The following LARP1B variants were observed in gnomAD, a reference collection of about 807,000 sequenced individuals.
LARP1B encodes la-related protein 1B.
A neutral mutation model predicts 114.2 loss-of-function variants in LARP1B; 76 were observed. The ratio of observed to expected loss-of-function variants is 0.67; its 90% CI spans 0.55 to 0.81. LARP1B has a LOEUF of 0.81. Among genes scored for constraint, LARP1B ranks in the 30% least tolerant of loss-of-function variants. LARP1B has a pLI of 0.00. For missense variants in LARP1B, 1,014 were observed against 1,075.8 expected (o/e 0.94, Z 0.80); for synonymous variants, 345 against 348.0 (o/e 0.99, Z 0.10).
chr4:128,219,188 CTG>C (rs1759777556), intron 6 of LARP1B, among the ~76,000 whole-genome samples: 1 of 149,200 alleles, frequency 6.7e-6, no homozygotes, highest in Non-Finnish European at 1.5e-5. Flanking sequence ...CACTTTGACA[CTG>C]TTGGTGGGAC....
At chr4:128,064,376 A>C (rs1269123533) in intron 1 of LARP1B, among the ~76,000 whole-genome samples, 2 of 151,782 alleles carry the variant, frequency 1.3e-5, no homozygotes, top group African/African-American at 4.8e-5. Flanking sequence ...GTGTTGAGTT[A>C]ATTCATTCAT....
chr4:128,205,021 T>A (rs917475120), intron 17 of LARP1B, among the ~76,000 whole-genome samples: 5 of 152,216 alleles, frequency 3.3e-5, no homozygotes, highest in Non-Finnish European at 7.3e-5. Flanking sequence ...AAGTTTGTCA[T>A]TCTGAACTGT....
At chr4:128,069,529 A>G in intron 1 of LARP1B, 1 of 747,360 alleles carries the variant, frequency 1.3e-6, no homozygotes, top group South Asian at 1.4e-5. Flanking sequence ...TGGAGAGCAG[A>G]GAGCTGGTGG....
At chr4:128,197,553 G>A (rs1389881604) in intron 15 of LARP1B, among the ~76,000 whole-genome samples, 1 of 152,038 alleles carries the variant, frequency 6.6e-6, no homozygotes, top group Non-Finnish European at 1.5e-5. Flanking sequence ...AATTAGTTGG[G>A]TGTGGTGGCA....
chr4:128,108,604 T>C, intron 9 of LARP1B: 1 of 985,498 alleles, frequency 1.0e-6, no homozygotes, highest in Non-Finnish European at 1.2e-6. Context: ...AGTAAGCAAC[T>C]TGGACAGGCA....
At chr4:128,169,739 C>T (rs1362602703) in intron 12 of LARP1B, among the ~76,000 whole-genome samples, 3 of 151,938 alleles carry the variant, frequency 2.0e-5, no homozygotes, top group East Asian at 1.9e-4. Context: ...TGAGTTCAAG[C>T]GATTCTCCTG....
intron 11 of LARP1B, among the ~76,000 whole-genome samples, chr4:128,141,292 C>G (rs72683917): frequency 6.6e-6 from 1 of 152,224 alleles, no homozygotes; most frequent in Non-Finnish European, 1.5e-5. Flanking sequence ...TGGCTAGCGT[C>G]TGGGCTCATG....
At position 128,206,507 on chromosome 4, in the gene LARP1B, CAAG is replaced by C. The variant is rs1357927042; in HGVS notation, c.2395_2397del (p.Glu799del). On this transcript the variant is annotated inframe_deletion, in exon 18 of 20. Coordinates refer to ENST00000326639, the MANE Select transcript of LARP1B (RefSeq NM_018078.4). ...CAGGCGAGAAATTTTTCAGGATTTCCAAGAAGAAACCAAAAAAGACTACGAATC... is the reference window on the plus strand; with the variant it reads ...CAGGCGAGAAATTTTTCAGGATTTCCAAGAAACCAAAAAAGACTACGAATC... 1.2e-6 allele frequency: 2 copies of C among 1,611,548 alleles called. No homozygotes were observed. The highest frequency in any genetic ancestry group is 1.7e-5 in the Admixed American group (1 of 59,708).
chr4:128,213,320 T>C (rs1387919534), downstream of LARP1B, among the ~76,000 whole-genome samples: 2 of 152,218 alleles, frequency 1.3e-5, no homozygotes, highest in African/African-American at 4.8e-5. Flanking sequence ...TGAGCAATAA[T>C]TTTTATTGCT....
chr4:128,093,864 C>T (rs1033579914), intron 7 of LARP1B, among the ~76,000 whole-genome samples: 1 of 151,708 alleles, frequency 6.6e-6, no homozygotes, highest in African/African-American at 2.4e-5. Context: ...GCATATGCCA[C>T]CACGCCCAGC....
intron 5 of LARP1B, among the ~76,000 whole-genome samples, chr4:128,084,517 C>T (rs527743581): frequency 4.7e-4 from 72 of 152,102 alleles, no homozygotes; most frequent in South Asian, 2.7e-3. Context: ...CGCAGGCACT[C>T]GGCAGGCTGA....
intron 5 of LARP1B, among the ~76,000 whole-genome samples, chr4:128,088,844 T>G (rs1467728415): frequency 1.3e-5 from 2 of 151,834 alleles, no homozygotes; most frequent in Non-Finnish European, 2.9e-5. Flanking sequence ...TGCACACCTG[T>G]AATCCCAACA....
chr4:128,065,962 C>T (rs541592889), intron 1 of LARP1B, among the ~76,000 whole-genome samples: 22 of 151,866 alleles, frequency 1.4e-4, no homozygotes, highest in African/African-American at 4.8e-4. Flanking sequence ...ATGACAGGCA[C>T]GCATGTCATT....
At chr4:128,111,983 C>G (rs1784270367) in intron 9 of LARP1B, among the ~76,000 whole-genome samples, 1 of 151,878 alleles carries the variant, frequency 6.6e-6, no homozygotes, top group African/African-American at 2.4e-5. Flanking sequence ...AGCCACTGTG[C>G]CCATCCTCTG....
At chr4:128,088,301 T>C (rs1774487931) in intron 5 of LARP1B, among the ~76,000 whole-genome samples, 1 of 152,212 alleles carries the variant, frequency 6.6e-6, no homozygotes, top group Non-Finnish European at 1.5e-5. Context: ...TGCAATTTCA[T>C]CCCATTGTCT....
chr4:128,099,886 A>C (rs999025769), intron 8 of LARP1B, among the ~76,000 whole-genome samples: 1 of 152,202 alleles, frequency 6.6e-6, no homozygotes, highest in African/African-American at 2.4e-5. Context: ...CTTGTTCCTC[A>C]GCCTTATCAT....
At chr4:128,172,816 C>T (rs1278498129) in intron 12 of LARP1B, among the ~76,000 whole-genome samples, 1 of 151,900 alleles carries the variant, frequency 6.6e-6, no homozygotes, top group Non-Finnish European at 1.5e-5. Flanking sequence ...TTCACTAATG[C>T]TCTGTTTTGT....
chr4:128,124,883 A>G (rs1789064292), intron 11 of LARP1B, among the ~76,000 whole-genome samples: 1 of 152,202 alleles, frequency 6.6e-6, no homozygotes, highest in South Asian at 2.1e-4. Context: ...TGTGTCAGCA[A>G]CTTTACAGGT....
At chr4:128,170,536 A>G (rs971588754) in intron 12 of LARP1B, among the ~76,000 whole-genome samples, 1 of 152,058 alleles carries the variant, frequency 6.6e-6, no homozygotes, top group African/African-American at 2.4e-5. Flanking sequence ...CCTTATACCC[A>G]TTGGTATATT....
Sources: allele counts gnomAD v4.1 joint callset (sites outside exome capture counted in the v4.1 genomes callset), GRCh38; gene constraint gnomAD v4.1.1; transcripts MANE v1.5; gene names NCBI Gene and HGNC (gene_info 2026-07-23, HGNC 2026-07-21).